Variants in CTNNBL1 observed in about 807,000 individuals in gnomAD.
CTNNBL1 encodes the protein catenin beta like 1, also known as beta-catenin-like protein 1.
A neutral mutation model predicts 72.7 loss-of-function variants in CTNNBL1; 31 were observed. That is an observed-to-expected ratio of 0.43 (90% CI 0.32 to 0.58). The LOEUF (loss-of-function observed/expected upper bound fraction) is 0.58, where lower values mean the gene tolerates loss of function less well. Among genes scored for constraint, CTNNBL1 ranks in the 20% least tolerant of loss-of-function variants. CTNNBL1 has a pLI of 0.08. For synonymous variants in CTNNBL1, 240 were observed against 267.3 expected (o/e 0.90, Z 1.00); for missense variants, 534 against 725.1 (o/e 0.74, Z 3.03).
At chr20:37,759,223 C>T (rs930523303) in intron 5 of CTNNBL1, among the ~76,000 whole-genome samples, 2 of 152,110 alleles carry the variant, frequency 1.3e-5, no homozygotes, top group Admixed American at 6.5e-5. Context: ...GTTGGGATGT[C>T]GTTTTGTTTT....
rs2072048503 is a variant in CTNNBL1, at chr20:37,815,490, G to A, written c.1213+12442G>A. On this transcript the variant is annotated intron_variant, in intron 11 of 15. Transcript: ENST00000361383. ...GCGCCACCATGCCCTGCTAATTTTT[G>A]TATTTTTGGTAGAGACGGGGTTTCA... Among the ~76,000 whole-genome samples, 3 of 152,038 alleles carry A rather than the reference G, an allele frequency of 2.0e-5. No individual in the cohort carries two copies. The South Asian group carries it at 6.2e-4, about 32-fold the overall frequency.
chr20:37,859,888 T>G lies in CTNNBL1; in HGVS notation c.1393-11T>G. 2 of 1,613,580 alleles carry G rather than the reference T, an allele frequency of 1.2e-6. No individual in the cohort carries two copies. The highest frequency in any genetic ancestry group is 1.7e-6 in the Non-Finnish European group (2 of 1,179,674). On this transcript the variant is annotated splice_polypyrimidine_tract_variant and intron_variant, in intron 13 of 15. Transcript: ENST00000361383. ...TCCAGCTTTTATTCCTAAACGTTCATTTGTTTCTAGGACATGGTCCGGCGA... is the reference window on the plus strand; with the variant it reads ...TCCAGCTTTTATTCCTAAACGTTCAGTTGTTTCTAGGACATGGTCCGGCGA...
intron 11 of CTNNBL1, among the ~76,000 whole-genome samples, chr20:37,814,780 A>G (rs1471816840): frequency 6.6e-6 from 1 of 152,274 alleles, no homozygotes; most frequent in Admixed American, 6.5e-5. Flanking sequence ...TTGCCCAGCT[A>G]GTGTTGAGAG....
At chr20:37,857,665 G>C (rs2072454808) in intron 13 of CTNNBL1, among the ~76,000 whole-genome samples, 1 of 151,496 alleles carries the variant, frequency 6.6e-6, no homozygotes, top group Non-Finnish European at 1.5e-5. Context: ...TGACCATAGT[G>C]GTGAGTTCTT....
In CTNNBL1 at chr20:37,707,407, A is replaced by G. The variant is rs138543855; in HGVS notation, c.30+13255A>G. ...AACTTGCTGCAGCTTCTACATCAGC[A>G]CTTCTGGGTTCACCTTGCGCTTTCA... On this transcript the variant is annotated intron_variant, in intron 1 of 15. Coordinates refer to ENST00000361383, the MANE Select transcript of CTNNBL1 (RefSeq NM_030877.5). 2.1e-3 allele frequency among the ~76,000 whole-genome samples: 322 copies of G among 152,350 alleles called. 2 individuals carry two copies. The highest frequency in any genetic ancestry group is 7.3e-3 in the African/African-American group (304 of 41,578).
intron 11 of CTNNBL1, chr20:37,832,140 C>T (rs1349116762): frequency 6.6e-6 from 1 of 152,174 alleles, no homozygotes. Flanking sequence ...AGAGTCTGAG[C>T]GAAGTTGGCC....
chr20:37,842,291 G>T, intron 12 of CTNNBL1, 48 bp from the exon 13 acceptor site: 1 of 1,315,154 alleles, frequency 7.6e-7, no homozygotes, highest in East Asian at 2.3e-5. Context: ...TTCTCTTGCT[G>T]TGCGTTGTCT....
chr20:37,846,192 G>C (rs559090271), intron 13 of CTNNBL1, among the ~76,000 whole-genome samples: 1 of 151,824 alleles, frequency 6.6e-6, no homozygotes, highest in South Asian at 2.1e-4. Flanking sequence ...TAAACTCTAG[G>C]GGGGCTAGTT....
At chr20:37,732,125 C>G (rs1457251843) in intron 1 of CTNNBL1, among the ~76,000 whole-genome samples, 1 of 152,154 alleles carries the variant, frequency 6.6e-6, no homozygotes. Flanking sequence ...CATGATAACT[C>G]ATTGTGATTT....
chr20:37,740,282 G>A lies in CTNNBL1; in HGVS notation c.326+2798G>A, dbSNP rs375150670. On this transcript the variant is annotated intron_variant, in intron 3 of 15. Coordinates refer to ENST00000361383, the MANE Select transcript of CTNNBL1 (RefSeq NM_030877.5). ...AATTCTCACTGGTGCAGTGTCTTTC[G>A]TAATTCTCTAGATCAGCGAGGTGAA... Among the ~76,000 whole-genome samples, 245 of 152,050 alleles carry A rather than the reference G, an allele frequency of 1.6e-3. 1 individual carries two copies. Among genetic ancestry groups the A allele is most frequent in the African/African-American group, 5.6e-3 (234 of 41,450 alleles).
intron 11 of CTNNBL1, among the ~76,000 whole-genome samples, chr20:37,817,545 C>T (rs949449327): frequency 6.6e-6 from 1 of 152,130 alleles, no homozygotes; most frequent in Non-Finnish European, 1.5e-5. Flanking sequence ...GAGTTCAAAT[C>T]CCAGCTCACA....
intron 11 of CTNNBL1, among the ~76,000 whole-genome samples, chr20:37,813,616 A>G (rs1051222839): frequency 3.3e-5 from 5 of 152,326 alleles, no homozygotes; most frequent in African/African-American, 1.2e-4. Context: ...GGGCAGCATT[A>G]CCAGAATTCT....
chr20:37,763,414 G>T (rs1393077112), intron 5 of CTNNBL1, among the ~76,000 whole-genome samples: 1 of 152,142 alleles, frequency 6.6e-6, no homozygotes, highest in African/African-American at 2.4e-5. Context: ...TCTTCAAATA[G>T]CATCCCCTCC....
chr20:37,756,884 C>G (rs1485112995), intron 4 of CTNNBL1, among the ~76,000 whole-genome samples: 1 of 151,920 alleles, frequency 6.6e-6, no homozygotes, highest in Non-Finnish European at 1.5e-5. Context: ...TGAGCTCAAG[C>G]AGTCCTCCTG....
intron 11 of CTNNBL1, among the ~76,000 whole-genome samples, chr20:37,824,328 T>C (rs1227299709): frequency 2.0e-5 from 3 of 152,208 alleles, no homozygotes; most frequent in Non-Finnish European, 2.9e-5. Context: ...CCCTTGACAG[T>C]GAGGCGAAAA....
At chr20:37,777,141 G>A (rs113961041) in intron 7 of CTNNBL1, 2 of 523,548 alleles carry the variant, frequency 3.8e-6, no homozygotes, top group African/African-American at 3.8e-5. Flanking sequence ...GGCATTAAGA[G>A]TGTGAGAGCC....
At chr20:37,719,982 A>C (rs1449023998) in intron 1 of CTNNBL1, among the ~76,000 whole-genome samples, 1 of 151,244 alleles carries the variant, frequency 6.6e-6, no homozygotes, top group Admixed American at 6.6e-5. Context: ...CTGGGACTAC[A>C]GGCATGTGCG....
chr20:37,841,711 C>T (rs1407472564), intron 12 of CTNNBL1, among the ~76,000 whole-genome samples: 2 of 152,174 alleles, frequency 1.3e-5, no homozygotes, highest in Non-Finnish European at 2.9e-5. Context: ...AAAAACAAAA[C>T]TTTTTCAAAT....
At chr20:37,823,956 A>G (rs1161068963) in intron 11 of CTNNBL1, among the ~76,000 whole-genome samples, 2 of 152,226 alleles carry the variant, frequency 1.3e-5, no homozygotes, top group African/African-American at 4.8e-5. Context: ...CCAAAGTCTC[A>G]TTTTAGGATC....
Sources: gnomAD v4.1 joint callset for allele counts (sites outside exome capture counted in the v4.1 genomes callset) on GRCh38, gnomAD v4.1.1 for gene constraint, MANE v1.5 for transcripts, NCBI Gene and HGNC (gene_info 2026-07-23, HGNC 2026-07-21) for gene names.